The following TMC1 variants were observed in gnomAD, a reference collection of about 807,000 sequenced individuals.
TMC1 encodes transmembrane channel-like protein 1.
In TMC1, 84 loss-of-function variants were observed where a neutral mutation model predicts 105.8. The observed-to-expected ratio is 0.79, with a 90% confidence interval of 0.67 to 0.95. The LOEUF is 0.95. Ranked by LOEUF, TMC1 falls within the 40% of genes least tolerant of loss-of-function variation. TMC1 has a pLI of 0.00. For missense variants in TMC1, 817 were observed against 914.1 expected (o/e 0.89, Z 1.37); for synonymous variants, 315 against 311.5 (o/e 1.01, Z -0.12).
At chr9:72,734,589 GCTTCTTAC>G (rs1827267357) in intron 8 of TMC1, among the ~76,000 whole-genome samples, 1 of 151,886 alleles carries the variant, frequency 6.6e-6, no homozygotes, top group South Asian at 2.1e-4. Flanking sequence ...CCTTCGAGTA[GCTTCTTAC>G]CTCTGTAACT....
At chr9:72,584,313 T>G (rs1824518766) in intron 2 of TMC1, among the ~76,000 whole-genome samples, 1 of 151,034 alleles carries the variant, frequency 6.6e-6, no homozygotes, top group South Asian at 2.1e-4. Context: ...TTACCCAGGC[T>G]GTAGTGCAGT....
chr9:72,759,285 C>T lies in TMC1; in HGVS notation c.741+4401C>T, dbSNP rs1459380677. Among the ~76,000 whole-genome samples, 5 of 152,080 alleles carry T rather than the reference C, an allele frequency of 3.3e-5. No homozygotes were observed. In the East Asian group the frequency reaches 5.8e-4, roughly 18 times the overall value. On this transcript the variant is annotated intron_variant, in intron 12 of 23. Transcript: ENST00000297784. The stretch of plus-strand genomic sequence containing the variant: ...CATGCATTCAGGAGAGAGCAAATCC[C>T]TTCTCCTGACTTTTTGTCTAAGTGC...
intron 5 of TMC1, among the ~76,000 whole-genome samples, chr9:72,661,982 G>A (rs1663762): frequency 0.24 from 36,613 of 151,918 alleles, 4,749 homozygotes; most frequent in East Asian, 0.38. Flanking sequence ...TGGTAGACTC[G>A]AGGGATAGTT....
chr9:72,555,341 G>A (rs1194222605), intron 1 of TMC1, among the ~76,000 whole-genome samples: 1 of 150,994 alleles, frequency 6.6e-6, no homozygotes, highest in African/African-American at 2.4e-5. Flanking sequence ...GACTACCACC[G>A]TGCCTAGCTA....
chr9:72,547,950 C>T (rs921281558), intron 1 of TMC1, among the ~76,000 whole-genome samples: 2 of 152,138 alleles, frequency 1.3e-5, no homozygotes, highest in African/African-American at 4.8e-5. Context: ...TTGCAGATGG[C>T]CGTCTTCTTG....
intron 1 of TMC1, among the ~76,000 whole-genome samples, chr9:72,548,319 C>A (rs987273233): frequency 6.6e-6 from 1 of 152,096 alleles, no homozygotes; most frequent in Non-Finnish European, 1.5e-5. Context: ...TGCCTGTAAT[C>A]CCAGCACTTT....
intron 23 of TMC1, among the ~76,000 whole-genome samples, chr9:72,833,150 T>C (rs1028077002): frequency 1.3e-5 from 2 of 152,216 alleles, no homozygotes; most frequent in African/African-American, 2.4e-5. Context: ...CCTATGTAGT[T>C]ATATTATTAT....
chr9:72,669,523 C>G (rs911772191), intron 5 of TMC1, among the ~76,000 whole-genome samples: 2 of 152,094 alleles, frequency 1.3e-5, no homozygotes, highest in Admixed American at 6.5e-5. Context: ...TGTATGACAT[C>G]TATCATAAAC....
chr9:72,661,739 T>C (rs539771487), intron 5 of TMC1, among the ~76,000 whole-genome samples: 43 of 152,326 alleles, frequency 2.8e-4, no homozygotes, highest in Non-Finnish European at 4.8e-4. Context: ...TTGAGTTTCC[T>C]TTTATACTTT....
chr9:72,736,891 A>G (rs76483990), intron 8 of TMC1, among the ~76,000 whole-genome samples: 3,147 of 152,352 alleles, frequency 0.021, 49 homozygotes, highest in Non-Finnish European at 0.032. Flanking sequence ...CTAGTGGCAC[A>G]TTACAAAAAA....
At chr9:72,683,733 TTATATATATATATATATATATATATATA>T (rs58007608) in intron 5 of TMC1, among the ~76,000 whole-genome samples, 1,321 of 53,426 alleles carry the variant, frequency 0.025, 136 homozygotes, top group Non-Finnish European at 0.027. Context: ...GTTACACATT[TTATATATATATATATATATATATATATA>T]TATATATATA....
In TMC1 at chr9:72,835,977, G is replaced by A; in HGVS notation, c.*4G>A. The stretch of plus-strand genomic sequence containing the variant: ...TGCAGCTGCTGGTCGCCAGTAATAA[G>A]TATCCTGAGAGCCCAGAAAAGGTAC... On this transcript the variant is annotated 3_prime_UTR_variant, in exon 24 of 24. Transcript: ENST00000297784. The A allele has an allele frequency of 1.4e-6, 2 of 1,394,328 alleles. No individual in the cohort carries two copies. The highest frequency in any genetic ancestry group is 1.9e-6 in the Non-Finnish European group (2 of 1,034,118). 86.4% of individuals were successfully genotyped at this position (1,394,328 alleles called of 1,614,324 possible).
At chr9:72,706,576 C>T (rs759733145) in intron 8 of TMC1, among the ~76,000 whole-genome samples, 14 of 152,032 alleles carry the variant, frequency 9.2e-5, no homozygotes, top group Non-Finnish European at 1.9e-4. Context: ...TCATCCCAAT[C>T]CCACCCTTTC....
chr9:72,794,069 T>C (rs1828322380), intron 17 of TMC1, among the ~76,000 whole-genome samples: 1 of 151,958 alleles, frequency 6.6e-6, no homozygotes, highest in Admixed American at 6.6e-5. Context: ...CTCTCACAGG[T>C]CCTACCTACC....
intron 2 of TMC1, among the ~76,000 whole-genome samples, chr9:72,601,195 G>GACACACACAC (rs71357599): frequency 3.2e-5 from 3 of 93,616 alleles, no homozygotes; most frequent in African/African-American, 1.3e-4. Context: ...CACACACACA[G>GACACACACAC]ACACACACAC....
At chr9:72,566,210 G>C (rs1824149939) in intron 1 of TMC1, among the ~76,000 whole-genome samples, 1 of 152,156 alleles carries the variant, frequency 6.6e-6, no homozygotes, top group Admixed American at 6.5e-5. Flanking sequence ...TTGTTGTGGA[G>C]ATGGGAGATG....
At chr9:72,821,130 G>A (rs765481009) in intron 20 of TMC1, 49 bp downstream of exon 20, 2 of 1,613,356 alleles carry the variant, frequency 1.2e-6, no homozygotes, top group Non-Finnish European at 1.7e-6. Flanking sequence ...TTTCGGGGGT[G>A]GAGGTGGGAA....
chr9:72,718,589 T>A (rs897725036), intron 8 of TMC1, among the ~76,000 whole-genome samples: 7 of 152,230 alleles, frequency 4.6e-5, no homozygotes, highest in African/African-American at 1.7e-4. Context: ...GATACCAGCA[T>A]CTGGTCCAGT....
At chr9:72,670,164 C>T (rs559549035) in intron 5 of TMC1, among the ~76,000 whole-genome samples, 21 of 152,230 alleles carry the variant, frequency 1.4e-4, no homozygotes, top group African/African-American at 5.1e-4. Flanking sequence ...ATGATCAGTG[C>T]ATGTGTGTGG....
Sources: allele counts gnomAD v4.1 joint callset (sites outside exome capture counted in the v4.1 genomes callset), GRCh38; gene constraint gnomAD v4.1.1; transcripts MANE v1.5; gene names NCBI Gene and HGNC (gene_info 2026-07-23, HGNC 2026-07-21).